The following SYN1 variants were observed in gnomAD, a reference collection of about 807,000 sequenced individuals.
SYN1 encodes synapsin-1.
A neutral mutation model predicts 44.6 loss-of-function variants in SYN1; 8 were observed. The observed-to-expected ratio is 0.18, with a 90% CI of 0.11 to 0.32. The LOEUF (loss-of-function observed/expected upper bound fraction) is 0.32. SYN1 is among the 10% of genes least tolerant of loss of function. SYN1 has a pLI of 1.00. For synonymous variants in SYN1, 275 were observed against 280.1 expected (o/e 0.98, Z 0.18); for missense variants, 451 against 639.4 (o/e 0.71, Z 3.18).
At chrX:47,584,299 G>A (rs182089471) in intron 5 of SYN1, among the ~76,000 whole-genome samples, 8 of 111,138 alleles carry the variant, frequency 7.2e-5, no homozygotes, top group African/African-American at 2.6e-4. Flanking sequence ...CAGGTATTGA[G>A]GATGATCAGA....
At chrX:47,600,202 G>GTT (rs748705929) in intron 5 of SYN1, among the ~76,000 whole-genome samples, 6 of 103,038 alleles carry the variant, frequency 5.8e-5, no homozygotes, top group Admixed American at 1.1e-4. Flanking sequence ...CAAAAAGGAA[G>GTT]TTTTTTTTTT....
intron 5 of SYN1, among the ~76,000 whole-genome samples, chrX:47,593,305 T>C (rs1223368702): frequency 5.6e-5 from 6 of 107,618 alleles, no homozygotes; most frequent in African/African-American, 2.1e-4. Context: ...AGTCTCGCTC[T>C]ATCACCCAGG....
At position 47,573,766 on chromosome X, in the gene SYN1, CTGAG is replaced by C. The variant is rs1363208653; in HGVS notation, c.1982+232_1982+235del. 1.9e-4 allele frequency among the ~76,000 whole-genome samples: 21 copies of C among 110,547 alleles called. 1 individual carries two copies. The highest frequency in any genetic ancestry group is 6.6e-4 in the African/African-American group (20 of 30,321). The stretch of plus-strand genomic sequence containing the variant: ...CAGGGCCTTTGAGGAGGAATTCGAA[CTGAG>C]TGCAGTTTCTCTGGGATTCTGGCAC... On this transcript the variant is annotated intron_variant, in intron 12 of 12. Transcript: ENST00000295987.
intron 1 of SYN1, among the ~76,000 whole-genome samples, chrX:47,616,858 T>C (rs753782422): frequency 1.8e-5 from 2 of 111,043 alleles, no homozygotes; most frequent in Admixed American, 1.9e-4. Flanking sequence ...CTTTCAGGAT[T>C]GTGTTGTGTA....
chrX:47,584,109 G>A (rs995065295), intron 5 of SYN1, among the ~76,000 whole-genome samples: 2 of 111,448 alleles, frequency 1.8e-5, no homozygotes, highest in African/African-American at 3.3e-5. Context: ...CTAAACCGAC[G>A]TAACAGGATT....
chrX:47,589,437 C>CA (rs1213443991), intron 5 of SYN1, among the ~76,000 whole-genome samples: 2 of 105,207 alleles, frequency 1.9e-5, no homozygotes, highest in African/African-American at 6.9e-5. Flanking sequence ...ACTAAAAATA[C>CA]CAAAAAAAAA....
intron 5 of SYN1, among the ~76,000 whole-genome samples, chrX:47,595,018 C>T (rs894195658): frequency 9.0e-6 from 1 of 111,159 alleles, no homozygotes; most frequent in Non-Finnish European, 1.9e-5. Flanking sequence ...TGAGCCACTG[C>T]GCCTGGCTGT....
At chrX:47,609,123 G>A (rs146421373) in intron 1 of SYN1, among the ~76,000 whole-genome samples, 6 of 110,657 alleles carry the variant, frequency 5.4e-5, no homozygotes, top group Non-Finnish European at 3.8e-5. Context: ...CTGATGAGTG[G>A]GGATGATGAG....
chrX:47,587,475 C>T (rs947193245), intron 5 of SYN1: 3 of 113,092 alleles, frequency 2.7e-5, no homozygotes, highest in South Asian at 3.7e-4. Context: ...AATCCCCAAG[C>T]TCTGCCATCC....
intron 1 of SYN1, among the ~76,000 whole-genome samples, chrX:47,608,823 GA>G (rs2057907819): frequency 9.2e-6 from 1 of 108,385 alleles, no homozygotes; most frequent in Non-Finnish European, 1.9e-5. Flanking sequence ...GAAGGGGGAT[GA>G]GGGGGAGAGA....
intron 1 of SYN1, among the ~76,000 whole-genome samples, chrX:47,609,760 G>A: frequency 8.9e-6 from 1 of 111,986 alleles, no homozygotes; most frequent in Middle Eastern, 4.6e-3. Context: ...TGTGGTGCAA[G>A]CAGGATGTGA....
intron 6 of SYN1, among the ~76,000 whole-genome samples, chrX:47,576,960 T>C (rs948702696): frequency 8.9e-6 from 1 of 111,865 alleles, no homozygotes; most frequent in African/African-American, 3.3e-5. Flanking sequence ...AATATACTAA[T>C]ATAGGCATCC....
At chrX:47,579,611 C>T (rs2057789320) in intron 5 of SYN1, among the ~76,000 whole-genome samples, 1 of 108,696 alleles carries the variant, frequency 9.2e-6, no homozygotes, top group Admixed American at 9.7e-5. Flanking sequence ...GCACAATAAC[C>T]GGATCCACAC....
intron 5 of SYN1, among the ~76,000 whole-genome samples, chrX:47,597,055 C>T (rs1250102759): frequency 5.4e-5 from 6 of 111,642 alleles, no homozygotes; most frequent in East Asian, 5.6e-4. Context: ...AATTCTGGGC[C>T]GGGCATGGTG....
intron 5 of SYN1, chrX:47,585,052 A>G (rs758621364): frequency 1.7e-6 from 2 of 1,196,532 alleles, no homozygotes; most frequent in Admixed American, 2.2e-5. Flanking sequence ...AGCATTTTCT[A>G]ACATCTTCCT....
In SYN1 at chrX:47,608,443, C is replaced by CT. The variant is rs1198853827; in HGVS notation, c.378-1246dup. On this transcript the variant is annotated intron_variant, in intron 1 of 12. Coordinates refer to ENST00000295987, the MANE Select transcript of SYN1 (RefSeq NM_006950.3). ...TGAAGCATCTCTCTGCTCTCTGGCC[C>CT]TTTCGCAAGGAGGAGCACATTCACC... Among the ~76,000 whole-genome samples the CT allele has an allele frequency of 6.3e-5, 7 of 111,970 alleles. No individual in the cohort carries two copies. In the East Asian group the frequency reaches 2.0e-3, roughly 31 times the overall value.
intron 5 of SYN1, chrX:47,582,296 T>C: frequency 7.4e-6 from 1 of 135,247 alleles, no homozygotes; most frequent in Admixed American, 8.1e-5. Context: ...TCTCCTTTCG[T>C]CGGCCCGCCC....
chrX:47,607,110 C>A (rs770779001), intron 2 of SYN1, 31 bp downstream of exon 2: 2 of 1,208,238 alleles, frequency 1.7e-6, no homozygotes, highest in South Asian at 1.8e-5. Flanking sequence ...GTATGGACAA[C>A]TGACCCCCAG....
rs1603052331 is a variant in SYN1, at chrX:47,577,562, G to A, written c.775-61C>T. ...CAGAAAGGGTGACCTCCAGGGGTGG[G>A]GCGGCACTGAGGGGATCCCAGCCAG... On this transcript the variant is annotated intron_variant, in intron 5 of 12. Transcript: ENST00000295987. The A allele has an allele frequency of 1.1e-5, 12 of 1,068,797 alleles. No individual in the cohort carries two copies. In the South Asian group the frequency reaches 2.0e-4, roughly 18 times the overall value. The allele number at this position is 1,068,797 out of a possible 1,213,427, so 88.1% of individuals were successfully genotyped here. A position where few individuals can be genotyped will look rare whatever the true frequency, so the allele number is the denominator to read the frequency against.
Sources: allele counts gnomAD v4.1 joint callset (sites outside exome capture counted in the v4.1 genomes callset), GRCh38; gene constraint gnomAD v4.1.1; transcripts MANE v1.5; gene names NCBI Gene and HGNC (gene_info 2026-07-23, HGNC 2026-07-21).